UBE4B: variants seen among roughly 807,000 people sequenced by gnomAD.
The protein encoded by UBE4B is ubiquitination factor E4B, also known as ubiquitin conjugation factor E4 B.
In UBE4B, 27 loss-of-function variants were observed where a neutral mutation model predicts 148.1. The ratio of observed to expected loss-of-function variants is 0.18; its 90% CI spans 0.13 to 0.25. The LOEUF is 0.25. UBE4B is among the 10% of genes least tolerant of loss of function. The probability of loss-of-function intolerance (pLI) is 1.00; values close to 1 mark genes in which losing one functional copy is unlikely to be tolerated. For synonymous variants in UBE4B, 596 were observed against 619.3 expected, an observed-to-expected ratio of 0.96 and a Z score of 0.56; for missense variants, 1,170 against 1,662.4, an observed-to-expected ratio of 0.70 and a Z score of 5.15.
chr1:10,099,577 TGGTCAAAATCCCGGGA>T (rs1557550657), intron 3 of UBE4B, among the ~76,000 whole-genome samples: 1 of 152,206 alleles, frequency 6.6e-6, no homozygotes, highest in South Asian at 2.1e-4. Flanking sequence ...AAAAAAATTT[TGGTCAAAATCCCGGGA>T]GGGTTTTTAA....
intron 23 of UBE4B, among the ~76,000 whole-genome samples, chr1:10,163,605 T>C (rs984140843): frequency 2.0e-5 from 3 of 151,474 alleles, no homozygotes; most frequent in African/African-American, 7.3e-5. Flanking sequence ...GAGGCGGAGG[T>C]TGCAGTGAGC....
chr1:10,155,789 G>A (rs1213145101), intron 21 of UBE4B, among the ~76,000 whole-genome samples: 8 of 152,208 alleles, frequency 5.3e-5, no homozygotes, highest in Non-Finnish European at 1.0e-4. Flanking sequence ...TTGGGAGTCC[G>A]AGACAGGTGA....
chr1:10,158,574 G>C, intron 22 of UBE4B, 92 bp downstream of exon 22: 1 of 1,504,842 alleles, frequency 6.6e-7, no homozygotes, highest in Non-Finnish European at 8.9e-7. Context: ...GGTTCTTGTT[G>C]ACTGTTTGCT....
intron 20 of UBE4B, among the ~76,000 whole-genome samples, chr1:10,150,826 C>T (rs1645960592): frequency 6.9e-6 from 1 of 144,696 alleles, no homozygotes; most frequent in Non-Finnish European, 1.5e-5. Flanking sequence ...TGCCACTGCA[C>T]TCCAGCCTGG....
At chr1:10,050,264 G>T (rs1644007938) in intron 1 of UBE4B, among the ~76,000 whole-genome samples, 1 of 152,180 alleles carries the variant, frequency 6.6e-6, no homozygotes, top group Admixed American at 6.5e-5. Flanking sequence ...TAGAGACCAG[G>T]TTTTGCCATG....
intron 2 of UBE4B, among the ~76,000 whole-genome samples, chr1:10,074,763 A>G (rs1464672125): frequency 2.0e-5 from 3 of 152,074 alleles, no homozygotes; most frequent in Non-Finnish European, 4.4e-5. Context: ...TGACTTCTAA[A>G]TGTTAGGATT....
chr1:10,071,898 C>A, intron 1 of UBE4B, 130 bp from the exon 2 acceptor site: 1 of 859,860 alleles, frequency 1.2e-6, no homozygotes, highest in Non-Finnish European at 1.7e-6. Flanking sequence ...GTTATTCTCT[C>A]AGAAGAGTAC....
At chr1:10,144,837 G>A (rs979694129) in intron 17 of UBE4B, 103 bp from the exon 18 acceptor site, 56 of 743,698 alleles carry the variant, frequency 7.5e-5, no homozygotes, top group African/African-American at 2.0e-4. Context: ...GTTACAATGC[G>A]AAAACAAACA....
intron 2 of UBE4B, among the ~76,000 whole-genome samples, chr1:10,094,309 G>T (rs1392252967): frequency 6.6e-6 from 1 of 151,752 alleles, no homozygotes; most frequent in Non-Finnish European, 1.5e-5. Context: ...CTATATCAAA[G>T]GACATTGTTG....
At chr1:10,151,700 A>C in intron 21 of UBE4B, 139 bp downstream of exon 21, 1 of 724,146 alleles carries the variant, frequency 1.4e-6, no homozygotes, top group Non-Finnish European at 2.3e-6. Flanking sequence ...TGTGGCCTGC[A>C]GAGGATGTAC....
At chr1:10,080,554 A>T (rs765611987) in intron 2 of UBE4B, among the ~76,000 whole-genome samples, 56 of 152,216 alleles carry the variant, frequency 3.7e-4, no homozygotes, top group Non-Finnish European at 6.3e-4. Context: ...TGGCAGTCCC[A>T]CTGAGTATAT....
At chr1:10,140,784 C>A (rs931783780) in intron 17 of UBE4B, among the ~76,000 whole-genome samples, 2 of 152,090 alleles carry the variant, frequency 1.3e-5, no homozygotes, top group Admixed American at 6.5e-5. Context: ...TGTGTATATG[C>A]GTATTGGAAA....
At chr1:10,054,082 GAC>G (rs1425773966) in intron 1 of UBE4B, among the ~76,000 whole-genome samples, 11 of 151,874 alleles carry the variant, frequency 7.2e-5, no homozygotes, top group Admixed American at 2.6e-4. Context: ...TAAAAAAAAA[GAC>G]AGGATTTTTG....
chr1:10,126,302 TATAGATAG>T (rs71583842), intron 10 of UBE4B, among the ~76,000 whole-genome samples: 8,640 of 147,312 alleles, frequency 0.059, 358 homozygotes, highest in African/African-American at 0.11. Context: ...TCCGTCTCAA[TATAGATAG>T]ATAGATAGAT....
chr1:10,045,916 A>G (rs779107298), intron 1 of UBE4B, among the ~76,000 whole-genome samples: 7 of 152,234 alleles, frequency 4.6e-5, no homozygotes, highest in African/African-American at 1.7e-4. Context: ...ACAGAGAGAC[A>G]TGAAGTGGCA....
At chr1:10,102,491 A>G (rs893002903) in intron 4 of UBE4B, among the ~76,000 whole-genome samples, 30 of 133,430 alleles carry the variant, frequency 2.2e-4, no homozygotes, top group Admixed American at 1.8e-3. Context: ...GTTCACCACA[A>G]CCTCCGCCTC....
intron 8 of UBE4B, among the ~76,000 whole-genome samples, chr1:10,118,573 C>T (rs1039942694): frequency 2.0e-5 from 3 of 151,296 alleles, no homozygotes; most frequent in Non-Finnish European, 2.9e-5. Context: ...GGCACAATCT[C>T]GGCTCACCGC....
chr1:10,121,765 C>T (rs1425273583), intron 9 of UBE4B, among the ~76,000 whole-genome samples, 197 bp from the exon 10 acceptor site: 2 of 152,078 alleles, frequency 1.3e-5, no homozygotes, highest in Non-Finnish European at 2.9e-5. Context: ...TGAAAATTCC[C>T]ATAGTGTCTC....
chr1:10,137,030 A>G, intron 16 of UBE4B, 37 bp from the exon 17 acceptor site: 1 of 1,612,522 alleles, frequency 6.2e-7, no homozygotes. Flanking sequence ...GAGACATGTA[A>G]TAGATTTTAT....
Sources: allele counts gnomAD v4.1 joint callset (sites outside exome capture counted in the v4.1 genomes callset), GRCh38; gene constraint gnomAD v4.1.1; transcripts MANE v1.5; gene names NCBI Gene and HGNC (gene_info 2026-07-23, HGNC 2026-07-21).